Variants in SLC26A8 observed in about 807,000 individuals in gnomAD.
SLC26A8 encodes the protein testis anion transporter 1.
SLC26A8 carries 70 observed loss-of-function variants against 105.0 expected under a neutral mutation model. The observed-to-expected ratio is 0.67, with a 90% CI of 0.55 to 0.81. The LOEUF (loss-of-function observed/expected upper bound fraction) is 0.81, where lower values mean the gene tolerates loss of function less well. SLC26A8 is among the 40% of genes least tolerant of loss of function. The pLI is 0.00. For synonymous variants in SLC26A8, 415 were observed against 438.3 expected, an observed-to-expected ratio of 0.95 and a Z score of 0.66; for missense variants, 998 against 1,181.8, an observed-to-expected ratio of 0.84 and a Z score of 2.28.
chr6:35,976,829 C>T (rs989105319), intron 9 of SLC26A8, among the ~76,000 whole-genome samples: 13 of 152,210 alleles, frequency 8.5e-5, no homozygotes, highest in Non-Finnish European at 7.4e-5. Context: ...CAGACGTGAG[C>T]CACTACTCCT....
chr6:35,947,391 A>T (rs1476994680), intron 19 of SLC26A8, among the ~76,000 whole-genome samples: 1 of 152,212 alleles, frequency 6.6e-6, no homozygotes, highest in Non-Finnish European at 1.5e-5. Flanking sequence ...GTAAGACAAG[A>T]TTCATCATTA....
At chr6:36,002,502 C>T (rs1761551927) in intron 3 of SLC26A8, among the ~76,000 whole-genome samples, 1 of 152,140 alleles carries the variant, frequency 6.6e-6, no homozygotes, top group South Asian at 2.1e-4. Context: ...TTATCCACAT[C>T]TATGCTAGCA....
intron 3 of SLC26A8, among the ~76,000 whole-genome samples, chr6:36,007,895 C>T (rs751593931): frequency 9.4e-5 from 14 of 148,254 alleles, no homozygotes; most frequent in Middle Eastern, 3.8e-3. Context: ...CCAAGGCGGG[C>T]AGATCACGAG....
chr6:35,986,337 T>A (rs1481621697), intron 7 of SLC26A8, among the ~76,000 whole-genome samples: 1 of 152,208 alleles, frequency 6.6e-6, no homozygotes, highest in Admixed American at 6.5e-5. Context: ...CCTACATATC[T>A]TTTTTGGTGT....
intron 3 of SLC26A8, among the ~76,000 whole-genome samples, chr6:36,005,033 C>T (rs1366236986): frequency 1.3e-5 from 2 of 151,844 alleles, no homozygotes; most frequent in African/African-American, 4.8e-5. Context: ...AAATAACTAA[C>T]CAATGCTGGG....
At chr6:35,992,364 A>G in intron 6 of SLC26A8, 146 bp downstream of exon 6, 1 of 716,620 alleles carries the variant, frequency 1.4e-6, no homozygotes, top group Non-Finnish European at 2.1e-6. Context: ...AATAAAGGAA[A>G]ATATTTCTAG....
intron 7 of SLC26A8, among the ~76,000 whole-genome samples, chr6:35,987,507 G>A (rs1773572375): frequency 6.6e-6 from 1 of 152,100 alleles, no homozygotes; most frequent in South Asian, 2.1e-4. Context: ...GAGTAGCTGG[G>A]ACTACAGGTG....
chr6:36,000,927 C>T (rs1186817491), intron 3 of SLC26A8, among the ~76,000 whole-genome samples: 2 of 152,146 alleles, frequency 1.3e-5, no homozygotes, highest in African/African-American at 2.4e-5. Flanking sequence ...CCTCTCTCAC[C>T]CTATATTACT....
chr6:35,945,927 T>C (rs553876467), intron 19 of SLC26A8, among the ~76,000 whole-genome samples: 2 of 152,244 alleles, frequency 1.3e-5, no homozygotes, highest in East Asian at 3.9e-4. Flanking sequence ...TCGACCACCA[T>C]ATGACACTCT....
At chr6:35,977,575 G>C (rs891809231) in intron 8 of SLC26A8, among the ~76,000 whole-genome samples, 36 of 151,942 alleles carry the variant, frequency 2.4e-4, no homozygotes, top group African/African-American at 8.0e-4. Flanking sequence ...GCAGTTCAAT[G>C]TTTCTGCCAG....
rs1294088580 is a variant in SLC26A8, at chr6:36,018,017, T to A, written c.188+1503A>T. On this transcript the variant is annotated intron_variant, in intron 2 of 19. Transcript: ENST00000490799. ...CATACCTAATAGGTTGGCTATAATT[T>A]AAAAAAATGGAAAATAACAAATGTT... 3.9e-5 allele frequency among the ~76,000 whole-genome samples: 6 copies of A among 152,102 alleles called. No individual in the cohort carries two copies. In the East Asian group the frequency reaches 9.6e-4, roughly 24 times the overall value.
At chr6:36,016,746 A>T (rs2127374298) in intron 2 of SLC26A8, among the ~76,000 whole-genome samples, 1 of 152,364 alleles carries the variant, frequency 6.6e-6, no homozygotes, top group South Asian at 2.1e-4. Flanking sequence ...GGAAAACAGA[A>T]TATCTACATG....
At chr6:35,990,093 G>A (rs1048841577) in intron 7 of SLC26A8, among the ~76,000 whole-genome samples, 2 of 151,400 alleles carry the variant, frequency 1.3e-5, no homozygotes, top group Admixed American at 6.6e-5. Flanking sequence ...ACATGCCACC[G>A]CACCCGGCTA....
At chr6:35,962,665 G>A (rs377217671) in intron 11 of SLC26A8, 44 bp from the exon 12 acceptor site, 4 of 1,583,816 alleles carry the variant, frequency 2.5e-6, no homozygotes, top group Non-Finnish European at 3.5e-6. Context: ...CCTTTGGGGT[G>A]TAAAACTCAC....
At chr6:35,984,613 C>T (rs966253539) in intron 7 of SLC26A8, among the ~76,000 whole-genome samples, 11 of 152,172 alleles carry the variant, frequency 7.2e-5, no homozygotes, top group East Asian at 3.9e-4. Context: ...GGTGAGACAC[C>T]GAGCTTGGCC....
At chr6:36,019,114 C>T (rs1166261690) in intron 2 of SLC26A8, among the ~76,000 whole-genome samples, 1 of 152,030 alleles carries the variant, frequency 6.6e-6, no homozygotes, top group East Asian at 1.9e-4. Flanking sequence ...TTAGTAGAGA[C>T]GGGGTTTCAC....
intron 9 of SLC26A8, among the ~76,000 whole-genome samples, chr6:35,976,076 C>T (rs1773007568): frequency 6.6e-6 from 1 of 151,906 alleles, no homozygotes; most frequent in Admixed American, 6.6e-5. Context: ...ATGACCAGGA[C>T]TTAGGATGAC....
intron 7 of SLC26A8, among the ~76,000 whole-genome samples, chr6:35,985,438 T>C (rs1581664204): frequency 6.6e-6 from 1 of 152,244 alleles, no homozygotes; most frequent in Non-Finnish European, 1.5e-5. Context: ...CTCATGCCTG[T>C]AATCCCAGCA....
intron 2 of SLC26A8, among the ~76,000 whole-genome samples, chr6:36,015,888 G>A (rs1051601298): frequency 2.0e-5 from 3 of 152,110 alleles, no homozygotes; most frequent in Non-Finnish European, 4.4e-5. Context: ...TGCCAATTGT[G>A]GGTGATAAAC....
Sources: allele counts gnomAD v4.1 joint callset (sites outside exome capture counted in the v4.1 genomes callset), GRCh38; gene constraint gnomAD v4.1.1; transcripts MANE v1.5; gene names NCBI Gene and HGNC (gene_info 2026-07-23, HGNC 2026-07-21).